Variants in STXBP5L observed in about 807,000 individuals in gnomAD.
STXBP5L encodes the protein syntaxin-binding protein 5-like.
STXBP5L carries 65 observed loss-of-function variants against 144.5 expected under a neutral mutation model. The observed-to-expected ratio is 0.45, with a 90% CI of 0.37 to 0.55. The LOEUF is 0.55. Ranked by LOEUF, STXBP5L falls within the 20% of genes least tolerant of loss-of-function variation. The pLI is 0.00. For missense variants in STXBP5L, 1,298 were observed against 1,405.5 expected (o/e 0.92, Z 1.22); for synonymous variants, 505 against 469.6 (o/e 1.08, Z -0.97).
At chr3:121,133,433 T>C (rs967810134) in intron 7 of STXBP5L, among the ~76,000 whole-genome samples, 1 of 152,236 alleles carries the variant, frequency 6.6e-6, no homozygotes, top group African/African-American at 2.4e-5. Flanking sequence ...TAATCCACAG[T>C]TTTTAGCAGA....
intron 2 of STXBP5L, among the ~76,000 whole-genome samples, chr3:120,944,522 A>C (rs925694174): frequency 2.6e-5 from 4 of 151,732 alleles, no homozygotes; most frequent in Non-Finnish European, 5.9e-5. Flanking sequence ...GGAGTGGATT[A>C]GTGCTTTATT....
chr3:120,925,384 T>C (rs1349817893), intron 2 of STXBP5L, among the ~76,000 whole-genome samples: 1 of 152,242 alleles, frequency 6.6e-6, no homozygotes, highest in African/African-American at 2.4e-5. Context: ...ATCCTCTTGC[T>C]GAATTGACTC....
chr3:121,226,535 T>G (rs2049129520), intron 11 of STXBP5L, among the ~76,000 whole-genome samples: 1 of 152,176 alleles, frequency 6.6e-6, no homozygotes, highest in Non-Finnish European at 1.5e-5. Flanking sequence ...TTCTGATATT[T>G]TAATTCACCT....
chr3:121,308,505 A>G (rs577927352), intron 19 of STXBP5L, among the ~76,000 whole-genome samples: 1 of 152,360 alleles, frequency 6.6e-6, no homozygotes, highest in African/African-American at 2.4e-5. Context: ...GTATAAATGC[A>G]TATTTCTTCT....
intron 3 of STXBP5L, among the ~76,000 whole-genome samples, chr3:121,031,565 T>A (rs1031296495): frequency 4.6e-5 from 7 of 152,080 alleles, no homozygotes; most frequent in Non-Finnish European, 1.5e-5. Context: ...CAGAATTCTT[T>A]CTCAGGGAAC....
intron 20 of STXBP5L, among the ~76,000 whole-genome samples, chr3:121,336,993 T>C (rs1429325963): frequency 1.3e-5 from 2 of 152,100 alleles, no homozygotes; most frequent in East Asian, 1.9e-4. Flanking sequence ...AGCAAACGAA[T>C]GCAGGAACAG....
chr3:121,171,677 C>T (rs1465912485), intron 9 of STXBP5L, among the ~76,000 whole-genome samples: 1 of 152,156 alleles, frequency 6.6e-6, no homozygotes, highest in African/African-American at 2.4e-5. Context: ...GAACTACAAA[C>T]CACTGCTCAA....
rs185983470 is a variant in STXBP5L at position 121,151,103 on chromosome 3, A to C, written c.670-1374A>C. Among the ~76,000 whole-genome samples the C allele has an allele frequency of 3.9e-5, 6 of 152,174 alleles. No individual in the cohort carries two copies. In the East Asian group the frequency reaches 7.7e-4, roughly 20 times the overall value. ...CTCTGTCCTCTGTCTCAAAAAAAAA[A>C]AGAAAGAAAAGAAATTGGTTTCATC... On this transcript the variant is annotated intron_variant, in intron 7 of 26. Transcript: ENST00000471454.
intron 22 of STXBP5L, among the ~76,000 whole-genome samples, chr3:121,399,515 G>A (rs113431119): frequency 0.01 from 1,551 of 152,218 alleles, 24 homozygotes; most frequent in African/African-American, 0.035. Context: ...ATTTACCCAC[G>A]TATTTATCAA....
intron 22 of STXBP5L, 135 bp downstream of exon 22, chr3:121,381,667 T>C: frequency 2.8e-6 from 3 of 1,077,756 alleles, no homozygotes; most frequent in Non-Finnish European, 2.6e-6. Flanking sequence ...TTAAGAATTT[T>C]ATACATCATA....
At chr3:121,171,987 G>A (rs906208206) in intron 9 of STXBP5L, among the ~76,000 whole-genome samples, 1 of 152,106 alleles carries the variant, frequency 6.6e-6, no homozygotes, top group African/African-American at 2.4e-5. Context: ...CAGCATGGTA[G>A]TGGTACCAAA....
chr3:121,238,835 T>G, intron 12 of STXBP5L, 136 bp from the exon 13 acceptor site: 2 of 837,200 alleles, frequency 2.4e-6, no homozygotes, highest in Non-Finnish European at 3.4e-6. Context: ...GTTCATACAA[T>G]TCTTGTTTTA....
chr3:120,994,751 C>A (rs143006661), intron 3 of STXBP5L, among the ~76,000 whole-genome samples: 1 of 151,826 alleles, frequency 6.6e-6, no homozygotes, highest in Non-Finnish European at 1.5e-5. Context: ...TTTTTTGTTG[C>A]ATGGTTTTCT....
intron 20 of STXBP5L, among the ~76,000 whole-genome samples, chr3:121,321,277 G>T (rs2043961213): frequency 6.6e-6 from 1 of 152,102 alleles, no homozygotes; most frequent in Non-Finnish European, 1.5e-5. Context: ...ATCATTAAAT[G>T]TTATATTTGT....
intron 3 of STXBP5L, among the ~76,000 whole-genome samples, chr3:121,012,683 G>T (rs1559999769): frequency 6.6e-6 from 1 of 151,486 alleles, no homozygotes; most frequent in Non-Finnish European, 1.5e-5. Context: ...AATTATTATT[G>T]TTATTATTAT....
At chr3:121,391,583 CT>C (rs1408065878) in intron 22 of STXBP5L, among the ~76,000 whole-genome samples, 1 of 151,434 alleles carries the variant, frequency 6.6e-6, no homozygotes, top group Non-Finnish European at 1.5e-5. Context: ...TGTAGATGAC[CT>C]TTTTGTTGAT....
chr3:121,172,586 A>G (rs2046767686), intron 9 of STXBP5L, among the ~76,000 whole-genome samples: 1 of 152,266 alleles, frequency 6.6e-6, no homozygotes, highest in African/African-American at 2.4e-5. Flanking sequence ...AAAACAGCTC[A>G]TCATCACTGG....
At chr3:121,218,864 T>C (rs1422273091) in intron 10 of STXBP5L, among the ~76,000 whole-genome samples, 1 of 152,178 alleles carries the variant, frequency 6.6e-6, no homozygotes, top group African/African-American at 2.4e-5. Flanking sequence ...CAACAATACC[T>C]GTCTCACTAT....
intron 20 of STXBP5L, among the ~76,000 whole-genome samples, chr3:121,365,302 C>T (rs1347412927): frequency 6.6e-6 from 1 of 151,910 alleles, no homozygotes; most frequent in Admixed American, 6.6e-5. Flanking sequence ...TATTGGTCCT[C>T]TTCAATTTTT....
Sources: gnomAD v4.1 joint callset for allele counts (sites outside exome capture counted in the v4.1 genomes callset) on GRCh38, gnomAD v4.1.1 for gene constraint, MANE v1.5 for transcripts, NCBI Gene and HGNC (gene_info 2026-07-23, HGNC 2026-07-21) for gene names.